The following PAK4 variants were observed in gnomAD, a reference collection of about 807,000 sequenced individuals.
PAK4 encodes serine/threonine-protein kinase PAK 4.
PAK4 carries 49 observed loss-of-function variants against 53.5 expected under a neutral mutation model. That is an observed-to-expected ratio of 0.92 (90% confidence interval 0.73 to 1.16). PAK4 has a LOEUF of 1.16. PAK4 is among the 50% of genes most tolerant of loss of function. The pLI, the probability that PAK4 is intolerant of heterozygous loss-of-function variation, is 0.00. For synonymous variants in PAK4, 376 were observed against 375.6 expected (o/e 1.00, Z -0.01); for missense variants, 824 against 850.7 (o/e 0.97, Z 0.39).
At chr19:39,160,388 G>T (rs2074264965) in intron 1 of PAK4, among the ~76,000 whole-genome samples, 1 of 152,226 alleles carries the variant, frequency 6.6e-6, no homozygotes, top group South Asian at 2.1e-4. Context: ...CCTGCCCTCA[G>T]GGCACTGACA....
chr19:39,143,728 G>C (rs1282389446), intron 1 of PAK4, among the ~76,000 whole-genome samples: 1 of 151,948 alleles, frequency 6.6e-6, no homozygotes, highest in African/African-American at 2.4e-5. Context: ...CTTGAGCCCA[G>C]GAGTTTGAGA....
intron 1 of PAK4, among the ~76,000 whole-genome samples, chr19:39,129,486 A>G (rs2073659358): frequency 6.6e-6 from 1 of 152,110 alleles, no homozygotes; most frequent in Admixed American, 6.6e-5. Context: ...GCGGTTGCCA[A>G]GTCATGCCCC....
chr19:39,160,340 C>T (rs974207373), intron 1 of PAK4, among the ~76,000 whole-genome samples: 29 of 147,046 alleles, frequency 2.0e-4, no homozygotes, highest in African/African-American at 6.8e-4. Flanking sequence ...CCAGCCACTG[C>T]TCTAGATGCC....
At chr19:39,146,742 G>A (rs76370802) in intron 1 of PAK4, among the ~76,000 whole-genome samples, 2,115 of 152,162 alleles carry the variant, frequency 0.014, 30 homozygotes, top group African/African-American at 0.035. Flanking sequence ...TTGGGAGGCC[G>A]AGGTGGATCA....
At chr19:39,149,373 A>G (rs753409900) in intron 1 of PAK4, among the ~76,000 whole-genome samples, 5 of 152,220 alleles carry the variant, frequency 3.3e-5, no homozygotes, top group Non-Finnish European at 5.9e-5. Context: ...CATTATGCTT[A>G]GTGAAATCAG....
rs115055624 is a variant in PAK4, at chr19:39,167,622, C to T, written c.-22-1910C>T. 4.9e-3 allele frequency among the ~76,000 whole-genome samples: 746 copies of T among 152,280 alleles called. 7 individuals are homozygous for T. The highest frequency in any genetic ancestry group is 0.016 in the African/African-American group (681 of 41,558). On this transcript the variant is annotated intron_variant, in intron 1 of 8. Transcript: ENST00000358301. Reference sequence around the variant, plus strand: ...CAACCCTGGGAGCCTTGGCCAGGCCCGGCTCTGACCACCCGCTGGCCTCTT... The same window carrying T: ...CAACCCTGGGAGCCTTGGCCAGGCCTGGCTCTGACCACCCGCTGGCCTCTT...
intron 1 of PAK4, among the ~76,000 whole-genome samples, chr19:39,130,974 A>G (rs1282922462): frequency 3.3e-5 from 5 of 151,778 alleles, no homozygotes; most frequent in Admixed American, 2.6e-4. Context: ...GTGATGGAGG[A>G]GCGTCCTCGT....
At chr19:39,138,966 T>TC (rs1183149605) in intron 1 of PAK4, among the ~76,000 whole-genome samples, 1 of 151,770 alleles carries the variant, frequency 6.6e-6, no homozygotes, top group East Asian at 2.0e-4. Flanking sequence ...GGGTTCTCCA[T>TC]CCCCCACTGA....
Position 39,169,613 on chromosome 19 carries a change from C to T in PAK4, c.60C>T (p.Arg20=), listed in dbSNP as rs114564484. The stretch of plus-strand genomic sequence containing the variant: ...CCGCGCCGTCCAACTTCGAGCACCG[C>T]GTGCACACGGGCTTCGACCAGCACG... The change falls in exon 2 of 9, where the codon CGC becomes CGT. Residue 20 remains arginine (R), a synonymous_variant. Transcript: ENST00000358301. 1.0e-3 allele frequency: 1,665 copies of T among 1,613,800 alleles called. 12 individuals are homozygous for T. The African/African-American group carries it at 0.016, about 15-fold the overall frequency.
chr19:39,172,963 C>A lies in PAK4; in HGVS notation c.250C>A (p.Leu84Met), dbSNP rs1212864210. The A allele has an allele frequency of 1.3e-6, 2 of 1,546,550 alleles. No individual in the cohort carries two copies. The highest frequency in any genetic ancestry group is 2.7e-5 in the African/African-American group (2 of 72,984). ...AGGTGCCAAAGATGGGGCCCTCACG[C>A]TGCTGCTGGACGAGTTTGAGAACAT... is the stretch of plus-strand genomic sequence containing the variant. The change falls in exon 3 of 9, where the codon CTG becomes ATG. Residue 84 changes from leucine to methionine, a missense_variant. By Grantham distance (15) the Leu-to-Met change is conservative. This residue lies in a region of PAK4 where 478 missense variants were observed against 435.8 expected (regional missense o/e 1.10). Coordinates refer to ENST00000358301, the Ensembl canonical transcript of PAK4.
chr19:39,158,220 C>T (rs368507429), intron 1 of PAK4, among the ~76,000 whole-genome samples: 53 of 149,372 alleles, frequency 3.5e-4, no homozygotes, highest in South Asian at 4.3e-4. Context: ...TGTGGGTGTG[C>T]GTGTGTGTGC....
At chr19:39,181,079 T>TTTG (rs1276698827), downstream of PAK4, 2 of 143,952 alleles carry the variant, frequency 1.4e-5, no homozygotes, top group African/African-American at 4.9e-5. Context: ...GCAGGTTTGT[T>TTTG]TTGTTTTGTT....
At chr19:39,143,230 C>T (rs946316013) in intron 1 of PAK4, among the ~76,000 whole-genome samples, 1 of 148,766 alleles carries the variant, frequency 6.7e-6, no homozygotes, top group Admixed American at 6.8e-5. Flanking sequence ...GTGCCTAGAA[C>T]AGTGCCTGGC....
At chr19:39,136,096 AC>A (rs1490847432) in intron 1 of PAK4, among the ~76,000 whole-genome samples, 2 of 76,720 alleles carry the variant, frequency 2.6e-5, no homozygotes, top group African/African-American at 5.3e-5. Flanking sequence ...CTTCCTCGTC[AC>A]CCCCCTTCCT....
intron 1 of PAK4, among the ~76,000 whole-genome samples, chr19:39,137,985 T>C (rs1355002712): frequency 6.9e-6 from 1 of 145,092 alleles, no homozygotes; most frequent in Non-Finnish European, 1.5e-5. Flanking sequence ...TTCCTGAGGT[T>C]TTTTTTTTTT....
intron 1 of PAK4, among the ~76,000 whole-genome samples, chr19:39,148,977 A>G (rs2074051709): frequency 6.6e-6 from 1 of 152,126 alleles, no homozygotes; most frequent in Non-Finnish European, 1.5e-5. Flanking sequence ...CCACGATGAG[A>G]TACTACATCA....
chr19:39,144,467 G>A (rs1241583383), intron 1 of PAK4, among the ~76,000 whole-genome samples: 1 of 152,256 alleles, frequency 6.6e-6, no homozygotes, highest in African/African-American at 2.4e-5. Context: ...GGGGATGCTT[G>A]ACCCAAATCT....
chr19:39,151,424 A>C (rs1319227841), intron 1 of PAK4, among the ~76,000 whole-genome samples: 3 of 152,260 alleles, frequency 2.0e-5, no homozygotes, highest in Non-Finnish European at 4.4e-5. Flanking sequence ...GTGAGTGGGG[A>C]CAGGCCTCAC....
chr19:39,144,193 G>A (rs1037410663), intron 1 of PAK4, among the ~76,000 whole-genome samples: 3 of 129,678 alleles, frequency 2.3e-5, no homozygotes, highest in African/African-American at 8.8e-5. Context: ...TAGATAGATA[G>A]ATATGGTTAA....
Sources: allele counts gnomAD v4.1 joint callset (sites outside exome capture counted in the v4.1 genomes callset), GRCh38; gene constraint gnomAD v4.1.1; regional missense constraint gnomAD v4.1.1; transcripts MANE v1.5; gene names NCBI Gene and HGNC (gene_info 2026-07-23, HGNC 2026-07-21).